ATP2B2: variants seen among roughly 807,000 people sequenced by gnomAD.
The protein encoded by ATP2B2 is plasma membrane calcium-transporting ATPase 2.
A neutral mutation model predicts 120.0 loss-of-function variants in ATP2B2; 15 were observed. The observed-to-expected ratio is 0.12, with a 90% CI of 0.08 to 0.19. The LOEUF (loss-of-function observed/expected upper bound fraction) is 0.19. ATP2B2 is among the 10% of genes least tolerant of loss of function. The probability of loss-of-function intolerance (pLI) is 1.00; values close to 1 mark genes in which losing one functional copy is unlikely to be tolerated. For synonymous variants in ATP2B2, 694 were observed against 700.3 expected (o/e 0.99, Z 0.14); for missense variants, 1,045 against 1,719.8 (o/e 0.61, Z 6.94).
chr3:10,421,295 G>A (rs1344762204), intron 2 of ATP2B2, among the ~76,000 whole-genome samples: 2 of 152,176 alleles, frequency 1.3e-5, no homozygotes, highest in Non-Finnish European at 2.9e-5. Context: ...GACAGAGCCT[G>A]CACTCAGCCT....
chr3:10,371,743 C>T (rs2061248493), intron 12 of ATP2B2, 66 bp downstream of exon 12: 7 of 1,612,208 alleles, frequency 4.3e-6, no homozygotes, highest in Non-Finnish European at 5.9e-6. Context: ...GCTCAACCTG[C>T]CCAGTACCTC....
chr3:10,486,442 C>T (rs2065673979), intron 1 of ATP2B2, among the ~76,000 whole-genome samples: 1 of 151,924 alleles, frequency 6.6e-6, no homozygotes, highest in African/African-American at 2.4e-5. Flanking sequence ...AAAGATCAGG[C>T]CCCTCTCTAC....
chr3:10,652,859 T>A (rs531051144), intron 1 of ATP2B2, among the ~76,000 whole-genome samples: 5 of 152,284 alleles, frequency 3.3e-5, no homozygotes, highest in Admixed American at 1.3e-4. Context: ...ACAAATACTG[T>A]GTGGTTCCAC....
chr3:10,393,628 G>A (rs2061930854), intron 5 of ATP2B2, among the ~76,000 whole-genome samples: 1 of 152,188 alleles, frequency 6.6e-6, no homozygotes, highest in South Asian at 2.1e-4. Flanking sequence ...CAGCCCCAAG[G>A]AGAGAAAGGG....
chr3:10,506,835 G>A (rs1160095324), upstream of ATP2B2, among the ~76,000 whole-genome samples: 1 of 152,226 alleles, frequency 6.6e-6, no homozygotes, highest in Non-Finnish European at 1.5e-5. Context: ...CCTCTGAGCT[G>A]CCCGCCCGAG....
At chr3:10,578,791 T>C (rs1314624653) in intron 2 of ATP2B2, among the ~76,000 whole-genome samples, 1 of 151,944 alleles carries the variant, frequency 6.6e-6, no homozygotes, top group East Asian at 1.9e-4. Flanking sequence ...CAATGTTGAG[T>C]GAAATAAGCC....
At chr3:10,684,834 T>C (rs940724579) in intron 1 of ATP2B2, among the ~76,000 whole-genome samples, 1 of 152,206 alleles carries the variant, frequency 6.6e-6, no homozygotes, top group African/African-American at 2.4e-5. Context: ...TCTTTGCCAA[T>C]TGGATGGCTA....
At chr3:10,350,714 G>A (rs1259488404) in intron 14 of ATP2B2, 137 bp from the exon 15 acceptor site, 5 of 906,572 alleles carry the variant, frequency 5.5e-6, no homozygotes, top group Admixed American at 2.4e-5. Flanking sequence ...TGCTGATGAC[G>A]CACATGGCAT....
At chr3:10,331,080 G>C (rs1019570967) in intron 22 of ATP2B2, among the ~76,000 whole-genome samples, 1 of 152,120 alleles carries the variant, frequency 6.6e-6, no homozygotes, top group Admixed American at 6.5e-5. Context: ...GGGACTCCAG[G>C]GTACCCCACT....
chr3:10,652,312 AC>A (rs1303149981), intron 1 of ATP2B2, among the ~76,000 whole-genome samples: 1 of 152,118 alleles, frequency 6.6e-6, no homozygotes, highest in East Asian at 1.9e-4. Flanking sequence ...GAAGTCCACC[AC>A]CCTTCCCTAG....
At chr3:10,688,513 T>C (rs1386800580) in intron 1 of ATP2B2, among the ~76,000 whole-genome samples, 1 of 152,158 alleles carries the variant, frequency 6.6e-6, no homozygotes, top group African/African-American at 2.4e-5. Context: ...AACCAGCTAC[T>C]CAAAAATTAG....
At chr3:10,552,236 C>A (rs1040579168) in intron 2 of ATP2B2, among the ~76,000 whole-genome samples, 1 of 152,246 alleles carries the variant, frequency 6.6e-6, no homozygotes, top group Non-Finnish European at 1.5e-5. Context: ...TGGCATCTGA[C>A]AGATTTGCCC....
intron 3 of ATP2B2, among the ~76,000 whole-genome samples, chr3:10,533,633 A>G (rs553512211): frequency 6.6e-6 from 1 of 152,276 alleles, no homozygotes; most frequent in East Asian, 1.9e-4. Context: ...CATGGCCCAG[A>G]GGGTAGAAGA....
intron 1 of ATP2B2, among the ~76,000 whole-genome samples, chr3:10,629,103 C>T (rs944563020): frequency 6.6e-6 from 1 of 152,150 alleles, no homozygotes; most frequent in Non-Finnish European, 1.5e-5. Context: ...AACAGCACGG[C>T]AGCACCACGC....
At chr3:10,527,113 CCTAGGTCAT>C (rs1323356502) in intron 3 of ATP2B2, among the ~76,000 whole-genome samples, 2 of 152,202 alleles carry the variant, frequency 1.3e-5, no homozygotes, top group Non-Finnish European at 2.9e-5. Flanking sequence ...GACACCATGA[CCTAGGTCAT>C]CTCCTCTGTA....
intron 2 of ATP2B2, among the ~76,000 whole-genome samples, chr3:10,418,408 A>T (rs1431000511): frequency 2.0e-5 from 3 of 152,206 alleles, no homozygotes; most frequent in African/African-American, 7.2e-5. Flanking sequence ...CATTTAACAT[A>T]TGGCTTACTT....
intron 1 of ATP2B2, among the ~76,000 whole-genome samples, chr3:10,652,024 C>T (rs2070480943): frequency 6.6e-6 from 1 of 152,172 alleles, no homozygotes; most frequent in Non-Finnish European, 1.5e-5. Context: ...CCTGGCAAAT[C>T]AGTACAATAG....
chr3:10,597,808 T>C (rs1559478532), intron 2 of ATP2B2, among the ~76,000 whole-genome samples: 1 of 152,160 alleles, frequency 6.6e-6, no homozygotes, highest in South Asian at 2.1e-4. Context: ...GCTGCTGCAG[T>C]TTGTTTTTTA....
intron 2 of ATP2B2, among the ~76,000 whole-genome samples, chr3:10,438,772 G>A (rs187898760): frequency 6.6e-6 from 1 of 152,312 alleles, no homozygotes; most frequent in African/African-American, 2.4e-5. Flanking sequence ...GCGTTTGTGG[G>A]ACCCAGGCTG....
Sources: allele counts gnomAD v4.1 joint callset (sites outside exome capture counted in the v4.1 genomes callset), GRCh38; gene constraint gnomAD v4.1.1; transcripts MANE v1.5; gene names NCBI Gene and HGNC (gene_info 2026-07-23, HGNC 2026-07-21).